The following SDK1 variants were observed in gnomAD, a reference collection of about 807,000 sequenced individuals.
SDK1 encodes sidekick cell adhesion molecule 1.
In SDK1, 157 loss-of-function variants were observed where a neutral mutation model predicts 245.5. The ratio of observed to expected loss-of-function variants is 0.64; its 90% confidence interval spans 0.56 to 0.73. The LOEUF (loss-of-function observed/expected upper bound fraction) is 0.73, where lower values mean the gene tolerates loss of function less well. Among genes scored for constraint, SDK1 ranks in the 30% least tolerant of loss-of-function variants. The pLI is 0.00. For synonymous variants in SDK1, 1,647 were observed against 1,278.5 expected, an observed-to-expected ratio of 1.29 and a Z score of -6.15; for missense variants, 3,583 against 3,002.3, an observed-to-expected ratio of 1.19 and a Z score of -4.52.
At chr7:3,554,434 G>A (rs1236303344) in intron 1 of SDK1, among the ~76,000 whole-genome samples, 1 of 152,170 alleles carries the variant, frequency 6.6e-6, no homozygotes, top group African/African-American at 2.4e-5. Context: ...TTGGGACGCA[G>A]GTAAAGCAGT....
chr7:4,229,252 C>T (rs548315385), intron 40 of SDK1, among the ~76,000 whole-genome samples: 6 of 152,128 alleles, frequency 3.9e-5, no homozygotes, highest in East Asian at 1.9e-4. Flanking sequence ...CACTCGTGAT[C>T]GTGGTGTAAA....
At chr7:3,623,928 C>G (rs1325458035) in intron 2 of SDK1, among the ~76,000 whole-genome samples, 2 of 151,942 alleles carry the variant, frequency 1.3e-5, no homozygotes, top group East Asian at 3.9e-4. Context: ...TTGCTTTATT[C>G]CAGGGAAAAT....
Position 4,113,345 on chromosome 7 carries a change from G to A in SDK1, c.3491G>A (p.Arg1164Gln), listed in dbSNP as rs775694958. ...CCGAGCCCCTACAGTCCGTCTTCCC[G>A]GGTCATCCAGACCCTGCAGGCCCCA... ...VGPSPYSPSS[R>Q]VIQTLQAPPD... Residue 1164 changes from arginine (R) to glutamine (Q), a missense_variant, in exon 24 of 45, where the codon CGG becomes CAG. Physicochemically the swap from Arg to Gln is conservative, Grantham distance 43 (BLOSUM62 1). Transcript: ENST00000404826. The A allele has an allele frequency of 3.1e-6, 5 of 1,613,736 alleles. No individual in the cohort carries two copies. The highest frequency in any genetic ancestry group is 4.2e-6 in the Non-Finnish European group (5 of 1,180,018).
At chr7:3,594,960 G>A (rs1781004999) in intron 1 of SDK1, among the ~76,000 whole-genome samples, 1 of 152,144 alleles carries the variant, frequency 6.6e-6, no homozygotes, top group South Asian at 2.1e-4. Context: ...AGGTTTATGT[G>A]TAGAGCACTC....
intron 5 of SDK1, among the ~76,000 whole-genome samples, chr7:3,917,511 G>A (rs1779426863): frequency 6.6e-6 from 1 of 152,254 alleles, no homozygotes; most frequent in South Asian, 2.1e-4. Flanking sequence ...GGGGCATCAG[G>A]TTGTCCTTCA....
At chr7:3,936,294 G>A (rs1780156083) in intron 5 of SDK1, among the ~76,000 whole-genome samples, 1 of 152,032 alleles carries the variant, frequency 6.6e-6, no homozygotes, top group Admixed American at 6.6e-5. Flanking sequence ...AAATAAAAGT[G>A]TTTTGGGCCG....
intron 5 of SDK1, among the ~76,000 whole-genome samples, chr7:3,907,756 T>A (rs1182241633): frequency 6.6e-6 from 1 of 152,212 alleles, no homozygotes; most frequent in Non-Finnish European, 1.5e-5. Flanking sequence ...ACATCATCCC[T>A]CATCTGTTTA....
chr7:3,953,957 G>T lies in SDK1; in HGVS notation c.1150+2037G>T, dbSNP rs527715566. Among the ~76,000 whole-genome samples, 5 of 152,224 alleles carry T rather than the reference G, an allele frequency of 3.3e-5. No homozygotes were observed. In the East Asian group the frequency reaches 9.7e-4, roughly 29 times the overall value. ...GATTTGGATGAGATTATAATCCCAC[G>T]CCCTGTGGCCGAGCATTATTGGTTT... On this transcript the variant is annotated intron_variant, in intron 7 of 44. Coordinates refer to ENST00000404826, the MANE Select transcript of SDK1 (RefSeq NM_152744.4).
chr7:3,329,919 A>G (rs1037958639), intron 1 of SDK1, among the ~76,000 whole-genome samples: 17 of 152,230 alleles, frequency 1.1e-4, no homozygotes, highest in Admixed American at 2.0e-4. Context: ...TGCATAGCTT[A>G]TATGCAAATA....
chr7:3,943,916 C>T (rs1021980197), intron 5 of SDK1, among the ~76,000 whole-genome samples: 19 of 152,158 alleles, frequency 1.2e-4, no homozygotes, highest in African/African-American at 4.6e-4. Context: ...AAGTGTTTGC[C>T]TTTCTGCCTC....
rs189930615 is a variant in SDK1, at chr7:3,435,835, T to C, written c.298+133951T>C. On this transcript the variant is annotated intron_variant, in intron 1 of 44. Coordinates refer to ENST00000404826, the MANE Select transcript of SDK1 (RefSeq NM_152744.4). ...ATGCTTTCTCATGGATTTACAATGATTACTTACTCTCAAACTTATATTTCC... is the reference window on the plus strand; with the variant it reads ...ATGCTTTCTCATGGATTTACAATGACTACTTACTCTCAAACTTATATTTCC... Among the ~76,000 whole-genome samples, 625 of 152,130 alleles carry C rather than the reference T, an allele frequency of 4.1e-3. 7 individuals carry two copies. The highest frequency in any genetic ancestry group is 0.018 in the South Asian group (88 of 4,826).
chr7:4,200,929 G>A (rs1453620663), intron 35 of SDK1, among the ~76,000 whole-genome samples: 1 of 152,250 alleles, frequency 6.6e-6, no homozygotes, highest in African/African-American at 2.4e-5. Context: ...CAGATTGTTG[G>A]AGGCTGCTTT....
chr7:3,444,669 A>G (rs996719839), intron 1 of SDK1, among the ~76,000 whole-genome samples: 2 of 152,086 alleles, frequency 1.3e-5, no homozygotes, highest in African/African-American at 2.4e-5. Flanking sequence ...TTTCTTTTCA[A>G]CAGTCAGTTG....
chr7:4,007,235 C>A (rs564417809), intron 14 of SDK1, among the ~76,000 whole-genome samples: 1 of 152,144 alleles, frequency 6.6e-6, no homozygotes, highest in Non-Finnish European at 1.5e-5. Flanking sequence ...TGGAGGGGAA[C>A]CACTGTTACC....
Position 4,077,127 on chromosome 7 carries a change from C to T in SDK1, c.3140C>T (p.Ala1047Val). 1.2e-6 allele frequency: 2 copies of T among 1,614,248 alleles called. No individual in the cohort carries two copies. Among genetic ancestry groups the T allele is most frequent in the Non-Finnish European group, 8.5e-7 (1 of 1,180,044 alleles). ...ACCACCTACACCATCGACGTGGCCG[C>T]TGTGACTGCCGTGGGCACTGGCCTG... is the stretch of plus-strand genomic sequence containing the variant. ...SLTTYTIDVAAVTAVGTGLVT... is the reference protein window; with the variant it reads ...SLTTYTIDVAVVTAVGTGLVT... Residue 1047 changes from alanine (A) to valine (V), a missense_variant, in exon 21 of 45, where the codon GCT (alanine) becomes GTT (valine). Ala to Val is a moderately conservative substitution (Grantham distance 64). Transcript: ENST00000404826.
intron 1 of SDK1, among the ~76,000 whole-genome samples, chr7:3,551,798 C>G (rs1779423521): frequency 6.6e-6 from 1 of 152,028 alleles, no homozygotes; most frequent in African/African-American, 2.4e-5. Flanking sequence ...ACCCTGGCCT[C>G]CCGAAGAGTT....
intron 35 of SDK1, 67 bp downstream of exon 35, chr7:4,178,653 C>T: frequency 8.6e-7 from 1 of 1,165,804 alleles, no homozygotes. Flanking sequence ...GCCAGGCACG[C>T]TGCGGCCAAG....
chr7:3,720,255 C>CA (rs1465258788), intron 4 of SDK1, among the ~76,000 whole-genome samples: 3 of 151,068 alleles, frequency 2.0e-5, no homozygotes, highest in African/African-American at 7.3e-5. Context: ...GACTCTGTGT[C>CA]AAAAAACAAC....
At chr7:3,908,575 C>A (rs562349864) in intron 5 of SDK1, among the ~76,000 whole-genome samples, 3 of 152,174 alleles carry the variant, frequency 2.0e-5, no homozygotes, top group African/African-American at 7.2e-5. Context: ...CTGGTACAGC[C>A]ACCATTCATC....
Sources: allele counts gnomAD v4.1 joint callset (sites outside exome capture counted in the v4.1 genomes callset), GRCh38; gene constraint gnomAD v4.1.1; transcripts MANE v1.5; gene names NCBI Gene and HGNC (gene_info 2026-07-23, HGNC 2026-07-21).